Variants in MGAT4A observed in about 807,000 individuals in gnomAD.
MGAT4A encodes N-acetylglucosaminyltransferase IVa.
In MGAT4A, 33 loss-of-function variants were observed where a neutral mutation model predicts 74.1. The observed-to-expected ratio is 0.45, with a 90% confidence interval of 0.34 to 0.60. The LOEUF is 0.60. MGAT4A is among the 20% of genes least tolerant of loss of function. The probability of loss-of-function intolerance (pLI) is 0.02; values close to 1 mark genes in which losing one functional copy is unlikely to be tolerated. For synonymous variants in MGAT4A, 198 were observed against 210.4 expected (o/e 0.94, Z 0.51); for missense variants, 479 against 628.3 (o/e 0.76, Z 2.54).
intron 3 of MGAT4A, among the ~76,000 whole-genome samples, chr2:98,676,205 C>T (rs75238347): frequency 0.049 from 7,376 of 151,884 alleles, 423 homozygotes; most frequent in African/African-American, 0.12. Context: ...CAAAAATTCA[C>T]GAAAGAAATG....
chr2:98,710,266 G>A (rs1702497442), intron 2 of MGAT4A, among the ~76,000 whole-genome samples: 1 of 152,210 alleles, frequency 6.6e-6, no homozygotes, highest in African/African-American at 2.4e-5. Context: ...AAGGATGTCA[G>A]GGGAGAATGC....
intron 4 of MGAT4A, among the ~76,000 whole-genome samples, chr2:98,667,591 G>C (rs1559164128): frequency 6.6e-6 from 1 of 152,286 alleles, no homozygotes; most frequent in Admixed American, 6.5e-5. Flanking sequence ...AGAGATTTGT[G>C]GAACTTTGAA....
rs772258710 is a variant in MGAT4A at position 98,663,164 on chromosome 2, C to A, written c.419G>T (p.Gly140Val). ...NGRTGVSIVM[G>V]IPTVKREVKS... ...AACTTCTCTCTTCACTGTGGGAATG[C>A]CCATGACTATTGAAACTGGAAAAAA... The change falls in exon 5 of 16, where the codon GGC becomes GTC. Residue 140 changes from glycine to valine, a missense_variant. Physicochemically the swap from Gly to Val is moderately radical, Grantham distance 109. Coordinates refer to ENST00000393487, the MANE Select transcript of MGAT4A (RefSeq NM_012214.3). 1.3e-5 allele frequency: 21 copies of A among 1,586,400 alleles called. No individual in the cohort carries two copies. The highest frequency in any genetic ancestry group is 1.6e-5 in the Non-Finnish European group (19 of 1,167,662).
At chr2:98,693,650 G>A (rs549034406) in intron 2 of MGAT4A, among the ~76,000 whole-genome samples, 2 of 149,282 alleles carry the variant, frequency 1.3e-5, no homozygotes, top group Non-Finnish European at 3.0e-5. Context: ...TAAGGCTGTA[G>A]TGAGCTGTGA....
At chr2:98,724,393 T>C (rs754366504) in intron 2 of MGAT4A, among the ~76,000 whole-genome samples, 3 of 152,190 alleles carry the variant, frequency 2.0e-5, no homozygotes, top group African/African-American at 4.8e-5. Flanking sequence ...GCCCAACAGT[T>C]TGAGTGGCTA....
At chr2:98,650,864 C>A (rs897466310) in intron 8 of MGAT4A, among the ~76,000 whole-genome samples, 1 of 152,130 alleles carries the variant, frequency 6.6e-6, no homozygotes, top group Non-Finnish European at 1.5e-5. Context: ...GGCAGAATGG[C>A]GTGAACCCGG....
chr2:98,721,229 A>G (rs1010374175), intron 2 of MGAT4A, among the ~76,000 whole-genome samples: 9 of 152,228 alleles, frequency 5.9e-5, no homozygotes, highest in Non-Finnish European at 1.3e-4. Context: ...AGACATACCT[A>G]AATAAACAAA....
At chr2:98,692,398 C>T (rs1702207950) in intron 2 of MGAT4A, among the ~76,000 whole-genome samples, 2 of 152,162 alleles carry the variant, frequency 1.3e-5, no homozygotes. Context: ...GCCACTACCC[C>T]TAGCCAGGTT....
chr2:98,655,585 A>G, intron 7 of MGAT4A, 65 bp from the exon 8 acceptor site: 1 of 1,073,446 alleles, frequency 9.3e-7, no homozygotes, highest in Non-Finnish European at 1.4e-6. Flanking sequence ...ATAAGATTAA[A>G]TGTATAAATG....
intron 5 of MGAT4A, 129 bp downstream of exon 5, chr2:98,662,917 T>A: frequency 1.6e-6 from 1 of 622,794 alleles, no homozygotes; most frequent in South Asian, 4.7e-5. Context: ...CCAGATAGAA[T>A]ATATTACCTA....
intron 2 of MGAT4A, among the ~76,000 whole-genome samples, chr2:98,704,668 G>A (rs1321773608): frequency 6.6e-6 from 1 of 151,990 alleles, no homozygotes; most frequent in African/African-American, 2.4e-5. Flanking sequence ...TACTTGGGAG[G>A]CTAAGGTGGG....
At chr2:98,677,644 G>C (rs1259730335) in intron 3 of MGAT4A, among the ~76,000 whole-genome samples, 1 of 151,868 alleles carries the variant, frequency 6.6e-6, no homozygotes, top group African/African-American at 2.4e-5. Context: ...GTAGGGATGA[G>C]GTTTCACCAT....
Position 98,644,007 on chromosome 2 carries a change from T to C in MGAT4A, c.936A>G (p.Ile312Met). Reference sequence around the variant, plus strand: ...TGGGTTTCTCCTTGTAAAACATGAATATGAATTCTACAATCAGAGTAAGAT... The same window carrying C: ...TGGGTTTCTCCTTGTAAAACATGAACATGAATTCTACAATCAGAGTAAGAT... ...APDLTLIVEF[I>M]FMFYKEKPID... The change falls in exon 10 of 16, where the codon ATA becomes ATG. Residue 312 changes from isoleucine (I) to methionine (M), a missense_variant. This residue lies in a region of MGAT4A where 236 missense variants were observed against 308.2 expected (regional missense o/e 0.77). Coordinates refer to ENST00000393487, the MANE Select transcript of MGAT4A (RefSeq NM_012214.3). The C allele has an allele frequency of 6.2e-7, 1 of 1,605,808 alleles. No homozygotes were observed. Among genetic ancestry groups the C allele is most frequent in the Non-Finnish European group, 8.5e-7 (1 of 1,174,160 alleles).
chr2:98,638,120 G>A (rs1369839560), intron 12 of MGAT4A, among the ~76,000 whole-genome samples: 6 of 152,148 alleles, frequency 3.9e-5, no homozygotes, highest in African/African-American at 1.4e-4. Context: ...GAAATTGATT[G>A]TTGAGGGAAA....
intron 4 of MGAT4A, among the ~76,000 whole-genome samples, chr2:98,665,285 C>T (rs566922844): frequency 1.5e-4 from 22 of 148,890 alleles, no homozygotes; most frequent in African/African-American, 4.7e-4. Context: ...GTCAAGATCG[C>T]GCCACTGCAC....
At chr2:98,699,481 G>A (rs1337858529) in intron 2 of MGAT4A, among the ~76,000 whole-genome samples, 1 of 151,948 alleles carries the variant, frequency 6.6e-6, no homozygotes, top group African/African-American at 2.4e-5. Flanking sequence ...ACTCTTTTCT[G>A]CACAGCAGGA....
chr2:98,623,074 C>T lies in MGAT4A; in HGVS notation c.*2492G>A, dbSNP rs1701084443. 4.1e-6 allele frequency: 4 copies of T among 985,368 alleles called. No homozygotes were observed. Among genetic ancestry groups the T allele is most frequent in the South Asian group, 9.4e-5 (2 of 21,288 alleles). The allele number at this position is 985,368 out of a possible 1,614,324, so 61.0% of individuals were successfully genotyped here. A position where few individuals can be genotyped will look rare whatever the true frequency, so the allele number is the denominator to read the frequency against. On this transcript the variant is annotated 3_prime_UTR_variant, in exon 16 of 16. Coordinates refer to ENST00000393487, the MANE Select transcript of MGAT4A (RefSeq NM_012214.3). The stretch of plus-strand genomic sequence containing the variant: ...AGGAGGGCAGGCTGGAATAATTGGT[C>T]TCACATCCAGATGCTGACTGGCCAC...
In MGAT4A at chr2:98,625,725, C is replaced by T. The variant is rs758200121; in HGVS notation, c.1579G>A (p.Glu527Lys). 6.2e-7 allele frequency: 1 copy of T among 1,607,394 alleles called. No individual in the cohort carries two copies. The highest frequency in any genetic ancestry group is 8.5e-7 in the Non-Finnish European group (1 of 1,174,674). Reference sequence around the variant, plus strand: ...TCACTGATTTGATATATGCTTACCTCATTAAGAATGGCCCAAACAGCAGAA... The same window carrying T: ...TCACTGATTTGATATATGCTTACCTTATTAAGAATGGCCCAAACAGCAGAA... Reference protein sequence around the residue: ...QNSAVWAILNEIHIKKATN With the variant: ...QNSAVWAILNKIHIKKATN Residue 527 changes from glutamate (E) to lysine (K), a missense_variant and splice_region_variant, in exon 15 of 16, where the codon GAG (glutamate) becomes AAG (lysine). Transcript: ENST00000393487.
At chr2:98,723,991 A>T (rs192861482) in intron 2 of MGAT4A, among the ~76,000 whole-genome samples, 7 of 152,358 alleles carry the variant, frequency 4.6e-5, no homozygotes, top group Non-Finnish European at 5.9e-5. Context: ...TGTTGTTATG[A>T]GGATTAAAAT....
Sources: allele counts gnomAD v4.1 joint callset (sites outside exome capture counted in the v4.1 genomes callset), GRCh38; gene constraint gnomAD v4.1.1; regional missense constraint gnomAD v4.1.1; transcripts MANE v1.5; gene names NCBI Gene and HGNC (gene_info 2026-07-23, HGNC 2026-07-21).